RETREG1: variants seen among roughly 807,000 people sequenced by gnomAD.
The protein encoded by RETREG1 is reticulophagy regulator 1.
A neutral mutation model predicts 54.8 loss-of-function variants in RETREG1; 44 were observed. The ratio of observed to expected loss-of-function variants is 0.80; its 90% CI spans 0.63 to 1.03. The LOEUF is 1.03. RETREG1 is among the 50% of genes least tolerant of loss of function. The pLI is 0.00. For missense variants in RETREG1, 554 were observed against 605.1 expected (o/e 0.92, Z 0.89); for synonymous variants, 217 against 238.5 (o/e 0.91, Z 0.83).
intron 3 of RETREG1, among the ~76,000 whole-genome samples, chr5:16,560,565 G>T (rs1171085090): frequency 6.6e-6 from 1 of 152,192 alleles, no homozygotes; most frequent in African/African-American, 2.4e-5. Context: ...TGACTAACCT[G>T]AGAATCTCAG....
intron 1 of RETREG1, among the ~76,000 whole-genome samples, chr5:16,602,217 T>C (rs1376689283): frequency 1.3e-5 from 2 of 152,096 alleles, no homozygotes; most frequent in African/African-American, 4.8e-5. Flanking sequence ...TACACTCTCA[T>C]GAATATTCTC....
At chr5:16,588,471 G>A (rs896808319) in intron 1 of RETREG1, among the ~76,000 whole-genome samples, 1 of 152,040 alleles carries the variant, frequency 6.6e-6, no homozygotes, top group Non-Finnish European at 1.5e-5. Context: ...TTGAATTTGG[G>A]GGCAGCACGA....
intron 3 of RETREG1, among the ~76,000 whole-genome samples, chr5:16,519,977 G>A (rs553453602): frequency 2.0e-5 from 3 of 152,134 alleles, no homozygotes; most frequent in African/African-American, 4.8e-5. Flanking sequence ...TGTCCAGTCC[G>A]TGCCACCCCT....
intron 3 of RETREG1, among the ~76,000 whole-genome samples, chr5:16,494,597 TTGCCTTC>T (rs1423952047): frequency 6.6e-6 from 1 of 152,190 alleles, no homozygotes; most frequent in African/African-American, 2.4e-5. Context: ...TGCTTCTTCT[TTGCCTTC>T]TGCCATGATT....
At chr5:16,573,718 G>T (rs1488060850) in intron 1 of RETREG1, among the ~76,000 whole-genome samples, 4 of 141,736 alleles carry the variant, frequency 2.8e-5, no homozygotes, top group Non-Finnish European at 6.2e-5. Context: ...TTTTTAATTG[G>T]TTTTTTGGGT....
At chr5:16,564,066 A>G (rs1046182154) in intron 3 of RETREG1, among the ~76,000 whole-genome samples, 1 of 152,200 alleles carries the variant, frequency 6.6e-6, no homozygotes, top group African/African-American at 2.4e-5. Context: ...TGCTCTATTT[A>G]TACAACTGTA....
At chr5:16,574,146 C>A (rs541741705) in intron 1 of RETREG1, among the ~76,000 whole-genome samples, 130 of 152,062 alleles carry the variant, frequency 8.5e-4, no homozygotes, top group African/African-American at 2.9e-3. Flanking sequence ...CAACATGAAC[C>A]AAAGATCAGA....
intron 3 of RETREG1, among the ~76,000 whole-genome samples, chr5:16,512,024 C>T (rs1740192987): frequency 1.3e-5 from 2 of 152,152 alleles, no homozygotes; most frequent in South Asian, 2.1e-4. Context: ...CAACAGATCC[C>T]GAGTGTAGCT....
chr5:16,571,955 G>A, intron 2 of RETREG1, 41 bp downstream of exon 2: 1 of 1,476,508 alleles, frequency 6.8e-7, no homozygotes, highest in Non-Finnish European at 9.5e-7. Context: ...GCAGGGTCTA[G>A]AAAATTAAAT....
intron 1 of RETREG1, among the ~76,000 whole-genome samples, chr5:16,582,275 T>C (rs565218415): frequency 3.9e-5 from 6 of 152,364 alleles, no homozygotes; most frequent in Admixed American, 3.3e-4. Flanking sequence ...AATGTGATGA[T>C]TGCTCTAAAA....
At chr5:16,577,125 A>C (rs1401714943) in intron 1 of RETREG1, among the ~76,000 whole-genome samples, 2 of 152,038 alleles carry the variant, frequency 1.3e-5, no homozygotes, top group African/African-American at 2.4e-5. Context: ...AGTGTCCTGG[A>C]CCCTTATAGG....
Position 16,515,981 on chromosome 5 carries a change from A to G in RETREG1, c.459-32509T>C, listed in dbSNP as rs537412844. ...ATGATGACCCTGAAAAGATTTAACT[A>G]TCTTCAGTAGATTGTGTTTGCCAAA... On this transcript the variant is annotated intron_variant, in intron 3 of 8. Coordinates refer to ENST00000306320, the MANE Select transcript of RETREG1 (RefSeq NM_001034850.3). 3.9e-5 allele frequency among the ~76,000 whole-genome samples: 6 copies of G among 152,084 alleles called. No individual in the cohort carries two copies. In the South Asian group the frequency reaches 1.0e-3, roughly 26 times the overall value.
At chr5:16,518,174 GTAAA>G (rs1740419962) in intron 3 of RETREG1, among the ~76,000 whole-genome samples, 1 of 147,068 alleles carries the variant, frequency 6.8e-6, no homozygotes, top group African/African-American at 2.5e-5. Flanking sequence ...TAATCAATAT[GTAAA>G]TATAGTGATT....
intron 1 of RETREG1, among the ~76,000 whole-genome samples, chr5:16,586,991 C>T (rs1431080824): frequency 2.6e-5 from 4 of 152,208 alleles, no homozygotes; most frequent in Non-Finnish European, 4.4e-5. Context: ...TAATCCCATT[C>T]ATGAGGGCTC....
At chr5:16,525,986 T>C (rs545980908) in intron 3 of RETREG1, among the ~76,000 whole-genome samples, 2 of 152,296 alleles carry the variant, frequency 1.3e-5, no homozygotes, top group South Asian at 4.2e-4. Flanking sequence ...ATGAGGCTCA[T>C]TCACACTGCG....
chr5:16,614,948 G>A (rs2081886544), intron 1 of RETREG1, among the ~76,000 whole-genome samples: 1 of 152,184 alleles, frequency 6.6e-6, no homozygotes, highest in Non-Finnish European at 1.5e-5. Context: ...AGAGACACAG[G>A]AAACTAGCAA....
chr5:16,533,941 C>T (rs1241056900), intron 3 of RETREG1, among the ~76,000 whole-genome samples: 1 of 152,118 alleles, frequency 6.6e-6, no homozygotes, highest in Non-Finnish European at 1.5e-5. Context: ...GCTTCTAATG[C>T]AAAGTCTGGT....
At chr5:16,482,388 T>G (rs2126519169) in intron 4 of RETREG1, among the ~76,000 whole-genome samples, 1 of 151,880 alleles carries the variant, frequency 6.6e-6, no homozygotes, top group South Asian at 2.1e-4. Context: ...AAAATACATT[T>G]AATCACTTCA....
intron 3 of RETREG1, among the ~76,000 whole-genome samples, chr5:16,554,617 AT>A (rs11342567): frequency 0.34 from 51,427 of 152,106 alleles, 10,168 homozygotes; most frequent in Non-Finnish European, 0.44. Context: ...AGATAACTAC[AT>A]TTATGTACCA....
Sources: allele counts gnomAD v4.1 joint callset (sites outside exome capture counted in the v4.1 genomes callset), GRCh38; gene constraint gnomAD v4.1.1; transcripts MANE v1.5; gene names NCBI Gene and HGNC (gene_info 2026-07-23, HGNC 2026-07-21).